NEGR1: variants seen among roughly 807,000 people sequenced by gnomAD.
The protein encoded by NEGR1 is IgLON family member 4.
Under a neutral mutation model 40.9 loss-of-function variants are expected in NEGR1, and 10 were observed. That is an observed-to-expected ratio of 0.24 (90% CI 0.15 to 0.42). The LOEUF is 0.42. NEGR1 is among the 10% of genes least tolerant of loss of function. NEGR1 has a pLI of 1.00. For missense variants in NEGR1, 352 were observed against 438.9 expected, an observed-to-expected ratio of 0.80 and a Z score of 1.77; for synonymous variants, 185 against 166.8, an observed-to-expected ratio of 1.11 and a Z score of -0.84.
At chr1:72,096,725 G>A (rs1393226698) in intron 1 of NEGR1, among the ~76,000 whole-genome samples, 5 of 151,808 alleles carry the variant, frequency 3.3e-5, no homozygotes, top group East Asian at 1.9e-4. Context: ...GCAGTGGTGC[G>A]ATTTTGGCTC....
At chr1:71,604,221 C>T (rs757957403) in intron 5 of NEGR1, among the ~76,000 whole-genome samples, 13 of 152,046 alleles carry the variant, frequency 8.6e-5, no homozygotes, top group Non-Finnish European at 1.8e-4. Context: ...AGAATTGACT[C>T]TATGTAAGTG....
At chr1:71,660,156 C>T (rs1045922303) in intron 4 of NEGR1, among the ~76,000 whole-genome samples, 10 of 151,998 alleles carry the variant, frequency 6.6e-5, no homozygotes, top group African/African-American at 1.4e-4. Context: ...AAAAAAAGAA[C>T]GAGATCATGT....
chr1:71,734,215 C>A (rs1234776979), intron 3 of NEGR1, among the ~76,000 whole-genome samples: 1 of 152,146 alleles, frequency 6.6e-6, no homozygotes, highest in Non-Finnish European at 1.5e-5. Flanking sequence ...TTACTGGCTG[C>A]ACAAGTAAGA....
At chr1:71,953,463 G>A (rs1217152835) in intron 1 of NEGR1, among the ~76,000 whole-genome samples, 1 of 151,922 alleles carries the variant, frequency 6.6e-6, no homozygotes, top group Admixed American at 6.6e-5. Flanking sequence ...ATCTACCCCT[G>A]GGGTAACTGC....
intron 1 of NEGR1, among the ~76,000 whole-genome samples, chr1:72,211,028 G>GT (rs1653585803): frequency 6.6e-6 from 1 of 151,728 alleles, no homozygotes; most frequent in South Asian, 2.1e-4. Flanking sequence ...AACATGCACA[G>GT]TTTTTTGTAC....
chr1:71,617,582 C>A (rs1321670149), intron 4 of NEGR1, among the ~76,000 whole-genome samples: 1 of 152,202 alleles, frequency 6.6e-6, no homozygotes, highest in African/African-American at 2.4e-5. Context: ...CATGACTTGA[C>A]AGCTTTCTGG....
intron 6 of NEGR1, among the ~76,000 whole-genome samples, chr1:71,548,536 T>C (rs1647973878): frequency 6.6e-6 from 1 of 151,750 alleles, no homozygotes; most frequent in African/African-American, 2.4e-5. Flanking sequence ...CAGCTTCTTG[T>C]CGCTGTTTCA....
At chr1:71,507,148 A>G (rs994548608) in intron 6 of NEGR1, among the ~76,000 whole-genome samples, 7 of 152,206 alleles carry the variant, frequency 4.6e-5, no homozygotes, top group African/African-American at 1.7e-4. Flanking sequence ...GGTCATCAAA[A>G]AGAGAACACT....
intron 1 of NEGR1, among the ~76,000 whole-genome samples, chr1:71,986,002 A>T (rs931739619): frequency 6.6e-6 from 1 of 152,206 alleles, no homozygotes. Context: ...AACTGAGAAC[A>T]TATTTAAGAA....
At chr1:72,264,049 A>C (rs2100548985) in intron 1 of NEGR1, among the ~76,000 whole-genome samples, 1 of 151,482 alleles carries the variant, frequency 6.6e-6, no homozygotes, top group East Asian at 1.9e-4. Flanking sequence ...TGACAGGCAT[A>C]TTCAATATGG....
rs1044779171 is a variant in NEGR1 at position 71,431,066 on chromosome 1, ATGATCTTTTTTTT to A, written c.941-23509_941-23497del. 9.8e-5 allele frequency among the ~76,000 whole-genome samples: 13 copies of A among 132,230 alleles called. No homozygotes were observed. The Admixed American group carries it at 1.0e-3, about 10-fold the overall frequency. The allele number at this position is 132,230 out of a possible 152,430, so 86.7% of individuals were successfully genotyped here. On this transcript the variant is annotated intron_variant, in intron 6 of 6. Transcript: ENST00000357731. ...CCGGCCAAAAAAGACTTTTTTTTTT[ATGATCTTTTTTTT>A]ATGACCTTTTTTTTATGATCATAAA... is the stretch of plus-strand genomic sequence containing the variant.
intron 6 of NEGR1, among the ~76,000 whole-genome samples, chr1:71,411,471 C>T (rs1025692496): frequency 6.6e-6 from 1 of 152,084 alleles, no homozygotes; most frequent in Non-Finnish European, 1.5e-5. Flanking sequence ...TCTGGGATGG[C>T]CAGACCTGTT....
intron 1 of NEGR1, among the ~76,000 whole-genome samples, chr1:72,269,767 A>G (rs1655781281): frequency 6.6e-6 from 1 of 151,564 alleles, no homozygotes; most frequent in Non-Finnish European, 1.5e-5. Flanking sequence ...TTTTCAGAAT[A>G]TCTATAGTAG....
chr1:71,520,832 T>C (rs1006689302), intron 6 of NEGR1, among the ~76,000 whole-genome samples: 35 of 152,070 alleles, frequency 2.3e-4, no homozygotes, highest in Admixed American at 2.3e-3. Context: ...GGGAAGGTGA[T>C]TTCACATATG....
intron 3 of NEGR1, among the ~76,000 whole-genome samples, chr1:71,725,269 C>T (rs755227113): frequency 2.6e-5 from 4 of 152,056 alleles, no homozygotes; most frequent in Admixed American, 1.3e-4. Flanking sequence ...AGAACTAATA[C>T]TAGGTCTTTT....
intron 6 of NEGR1, among the ~76,000 whole-genome samples, chr1:71,451,457 C>T (rs1285820746): frequency 6.6e-6 from 1 of 151,854 alleles, no homozygotes; most frequent in African/African-American, 2.4e-5. Flanking sequence ...CCTCAGCCTC[C>T]CGAGTAGCTG....
At chr1:71,703,504 A>AC (rs1002404775) in intron 3 of NEGR1, 2 of 151,606 alleles carry the variant, frequency 1.3e-5, no homozygotes, top group African/African-American at 4.8e-5. Context: ...AAAAAAAAAA[A>AC]GGAAATAAGA....
chr1:72,235,177 C>G (rs1654506629), intron 1 of NEGR1, among the ~76,000 whole-genome samples: 1 of 152,048 alleles, frequency 6.6e-6, no homozygotes, highest in South Asian at 2.1e-4. Context: ...AGAAAGGTAT[C>G]ACCGCAAATT....
chr1:71,448,250 C>G lies in NEGR1; in HGVS notation c.941-40680G>C, dbSNP rs1170229398. Reference sequence around the variant, plus strand: ...CTCTGAGAGAAAAAAAAAAAAGACACAGAGAGAGAGAGCATCATTGCTTGT... The same window carrying G: ...CTCTGAGAGAAAAAAAAAAAAGACAGAGAGAGAGAGAGCATCATTGCTTGT... On this transcript the variant is annotated intron_variant, in intron 6 of 6. Transcript: ENST00000357731. 2.7e-5 allele frequency among the ~76,000 whole-genome samples: 4 copies of G among 147,600 alleles called. No individual in the cohort carries two copies. The East Asian group carries it at 5.9e-4, about 22-fold the overall frequency.
Sources: allele counts gnomAD v4.1 joint callset (sites outside exome capture counted in the v4.1 genomes callset), GRCh38; gene constraint gnomAD v4.1.1; transcripts MANE v1.5; gene names NCBI Gene and HGNC (gene_info 2026-07-23, HGNC 2026-07-21).